The following NRXN3 variants were observed in gnomAD, a reference collection of about 807,000 sequenced individuals.
NRXN3 encodes neurexin 3, also known as neurexin III.
A neutral mutation model predicts 137.6 loss-of-function variants in NRXN3; 32 were observed. That is an observed-to-expected ratio of 0.23 (90% CI 0.18 to 0.31). The LOEUF (loss-of-function observed/expected upper bound fraction) is 0.31, where lower values mean the gene tolerates loss of function less well. Ranked by LOEUF, NRXN3 falls within the 10% of genes least tolerant of loss-of-function variation. The probability of loss-of-function intolerance (pLI) is 1.00; values close to 1 mark genes in which losing one functional copy is unlikely to be tolerated. For synonymous variants in NRXN3, 798 were observed against 784.5 expected, an observed-to-expected ratio of 1.02 and a Z score of -0.29; for missense variants, 1,574 against 2,062.5, an observed-to-expected ratio of 0.76 and a Z score of 4.59.
intron 8 of NRXN3, among the ~76,000 whole-genome samples, chr14:78,778,782 T>A (rs1379431966): frequency 9.3e-5 from 12 of 128,914 alleles, no homozygotes; most frequent in African/African-American, 3.9e-4. Flanking sequence ...CTTTCTTTCT[T>A]TCTTTCTTTC....
chr14:79,411,603 A>G (rs2095417725), intron 15 of NRXN3, among the ~76,000 whole-genome samples: 1 of 152,092 alleles, frequency 6.6e-6, no homozygotes, highest in South Asian at 2.1e-4. Context: ...TTAAACAACC[A>G]TGTTATACTG....
intron 15 of NRXN3, among the ~76,000 whole-genome samples, chr14:79,084,390 AACTCTAAGCCAAT>A (rs1241469267): frequency 2.0e-5 from 3 of 152,220 alleles, no homozygotes; most frequent in Non-Finnish European, 4.4e-5. Context: ...TCCAGTAGTC[AACTCTAAGCCAAT>A]AATATGTTGG....
chr14:78,640,334 C>T (rs1566951984), intron 4 of NRXN3, among the ~76,000 whole-genome samples: 1 of 152,172 alleles, frequency 6.6e-6, no homozygotes, highest in Non-Finnish European at 1.5e-5. Flanking sequence ...ATCCTTCTAT[C>T]CTTCTCAGTA....
intron 2 of NRXN3, among the ~76,000 whole-genome samples, chr14:78,251,209 G>A (rs1165745855): frequency 6.6e-6 from 1 of 152,158 alleles, no homozygotes; most frequent in Admixed American, 6.5e-5. Context: ...GGTGAGAGTT[G>A]GAGCTCCTGG....
At chr14:79,136,975 G>GC (rs2058296108) in intron 15 of NRXN3, among the ~76,000 whole-genome samples, 1 of 152,180 alleles carries the variant, frequency 6.6e-6, no homozygotes. Context: ...GAAAGCTTTG[G>GC]CAGGGCTATG....
intron 10 of NRXN3, among the ~76,000 whole-genome samples, chr14:78,952,722 A>G (rs2099389418): frequency 6.6e-6 from 1 of 152,166 alleles, no homozygotes; most frequent in African/African-American, 2.4e-5. Flanking sequence ...TATTTTATGC[A>G]TTGTAGAAAT....
At chr14:78,896,615 T>C (rs1003975120) in intron 10 of NRXN3, among the ~76,000 whole-genome samples, 5 of 151,824 alleles carry the variant, frequency 3.3e-5, no homozygotes, top group African/African-American at 1.2e-4. Flanking sequence ...ATATTTCACA[T>C]GGCAGAGGGT....
chr14:78,281,381 A>G (rs1049083847), intron 3 of NRXN3, among the ~76,000 whole-genome samples: 3 of 152,246 alleles, frequency 2.0e-5, no homozygotes, highest in Non-Finnish European at 4.4e-5. Flanking sequence ...GGCCGCTGGA[A>G]GACTATAAAG....
intron 10 of NRXN3, among the ~76,000 whole-genome samples, chr14:78,913,597 C>T: frequency 6.6e-6 from 1 of 151,988 alleles, no homozygotes; most frequent in East Asian, 1.9e-4. Flanking sequence ...ATATTAACAG[C>T]CTTCTAATCA....
At chr14:79,650,086 A>G (rs2098468969) in intron 16 of NRXN3, among the ~76,000 whole-genome samples, 1 of 152,062 alleles carries the variant, frequency 6.6e-6, no homozygotes, top group Non-Finnish European at 1.5e-5. Context: ...GAGGACATCC[A>G]GCTGGTGTCT....
intron 1 of NRXN3, among the ~76,000 whole-genome samples, chr14:78,188,696 A>C (rs893083944): frequency 1.3e-5 from 2 of 152,206 alleles, no homozygotes; most frequent in African/African-American, 4.8e-5. Context: ...AGAGCAGCCA[A>C]ATGTGAATGC....
chr14:78,758,173 C>G (rs1450242133), intron 8 of NRXN3, among the ~76,000 whole-genome samples: 1 of 152,152 alleles, frequency 6.6e-6, no homozygotes, highest in African/African-American at 2.4e-5. Flanking sequence ...TACCTGCTCA[C>G]CACTTTATAA....
chr14:79,402,218 G>A (rs2095219492), intron 15 of NRXN3, among the ~76,000 whole-genome samples: 1 of 152,144 alleles, frequency 6.6e-6, no homozygotes, highest in Non-Finnish European at 1.5e-5. Flanking sequence ...TTACAGGCGT[G>A]AGCCACTTCA....
intron 10 of NRXN3, among the ~76,000 whole-genome samples, chr14:78,924,150 G>T (rs2099278540): frequency 6.6e-6 from 1 of 152,250 alleles, no homozygotes; most frequent in Non-Finnish European, 1.5e-5. Context: ...TTGGGAGGCT[G>T]AGGCAGGAGA....
intron 10 of NRXN3, among the ~76,000 whole-genome samples, chr14:78,868,983 G>A (rs920567435): frequency 3.3e-5 from 5 of 152,074 alleles, no homozygotes; most frequent in Non-Finnish European, 7.3e-5. Context: ...GGTCCCGCTT[G>A]GCATGTGACA....
At chr14:78,367,579 C>T (rs2086162775) in intron 4 of NRXN3, among the ~76,000 whole-genome samples, 1 of 152,166 alleles carries the variant, frequency 6.6e-6, no homozygotes, top group African/African-American at 2.4e-5. Context: ...ATGTATGTGC[C>T]ATTATCTCCT....
chr14:79,861,895 G>A lies in NRXN3; in HGVS notation c.4647G>A (p.Lys1549=), dbSNP rs1350201134. Reference sequence around the variant, plus strand: ...CCCAGAGCAACGGCACGCTCATGAAGGAGAAGCAGCAGAGCTCGAAGAGCG... The same window carrying A: ...CCCAGAGCAACGGCACGCTCATGAAAGAGAAGCAGCAGAGCTCGAAGAGCG... ...NSAQSNGTLM[K]EKQQSSKSGH... is the part of the protein sequence containing the mutation. The change falls in exon 21 of 21, where the codon AAG becomes AAA. Residue 1549 remains lysine (K), a synonymous_variant. Coordinates refer to ENST00000335750, the MANE Select transcript of NRXN3 (RefSeq NM_001330195.2). The surrounding 1 kb of genome is among the most constrained non-coding windows in gnomAD (Gnocchi z 5.4). 1.2e-6 allele frequency: 2 copies of A among 1,614,070 alleles called. No individual in the cohort carries two copies. The highest frequency in any genetic ancestry group is 1.7e-6 in the Non-Finnish European group (2 of 1,179,978).
chr14:79,637,102 C>T (rs1220622257), intron 16 of NRXN3, among the ~76,000 whole-genome samples: 1 of 152,136 alleles, frequency 6.6e-6, no homozygotes, highest in Non-Finnish European at 1.5e-5. Flanking sequence ...TAAATCCTGG[C>T]TCCTTCACTT....
In NRXN3 at chr14:78,880,011, G is replaced by A. The variant is rs369020427; in HGVS notation, c.2275+69667G>A. Among the ~76,000 whole-genome samples, 123 of 141,360 alleles carry A rather than the reference G, an allele frequency of 8.7e-4. 13 individuals are homozygous for A. Among genetic ancestry groups the A allele is most frequent in the African/African-American group, 3.0e-3 (93 of 31,496 alleles). The allele number at this position is 141,360 out of a possible 152,430, so 92.7% of individuals were successfully genotyped here. ...TCCCAGCACTTTGGGAGGCCGAGGC[G>A]GGCGGATCACGAGGTCAGGAGATCG... On this transcript the variant is annotated intron_variant, in intron 10 of 20. Transcript: ENST00000335750.
Sources: gnomAD v4.1 joint callset for allele counts (sites outside exome capture counted in the v4.1 genomes callset) on GRCh38, gnomAD v4.1.1 for gene constraint, Gnocchi (gnomAD v3.1) non-coding constraint, MANE v1.5 for transcripts, NCBI Gene and HGNC (gene_info 2026-07-23, HGNC 2026-07-21) for gene names.